The following BLTP1 variants were observed in gnomAD, a reference collection of about 807,000 sequenced individuals.
BLTP1 encodes the protein bridge-like lipid transfer protein family member 1, also known as fragile site-associated protein.
At chr4:122,181,916 T>A in the BLTP1 span, among the ~76,000 whole-genome samples, 1 of 152,160 alleles carries the variant, frequency 6.6e-6, no homozygotes, top group Non-Finnish European at 1.5e-5. Flanking sequence ...GGTAAAAGTA[T>A]GAGCAAATTA....
chr4:122,163,310 G>A, the BLTP1 span, among the ~76,000 whole-genome samples: 2 of 152,202 alleles, frequency 1.3e-5, no homozygotes, highest in South Asian at 2.1e-4. Context: ...TGGGAACTCT[G>A]AAGACATCAA....
At chr4:122,185,773 A>G in the BLTP1 span, among the ~76,000 whole-genome samples, 1 of 152,092 alleles carries the variant, frequency 6.6e-6, no homozygotes, top group African/African-American at 2.4e-5. Context: ...TTAGCATAAA[A>G]ATCTTTAAAT....
chr4:122,352,585 C>G, the BLTP1 span, among the ~76,000 whole-genome samples: 1 of 152,102 alleles, frequency 6.6e-6, no homozygotes, highest in Admixed American at 6.5e-5. Context: ...GTCTCGAACT[C>G]CTGACCTCAA....
the BLTP1 span, among the ~76,000 whole-genome samples, chr4:122,168,538 A>AT: frequency 6.6e-6 from 1 of 152,116 alleles, no homozygotes; most frequent in Non-Finnish European, 1.5e-5. Flanking sequence ...TTGGTTTTAG[A>AT]TTTTTTAAGA....
the BLTP1 span, chr4:122,185,415 T>C: frequency 3.0e-6 from 3 of 985,390 alleles, no homozygotes; most frequent in South Asian, 4.7e-5. Flanking sequence ...GGTTGACATG[T>C]GATGCATTGT....
chr4:122,219,135 A>T, the BLTP1 span: 1 of 984,424 alleles, frequency 1.0e-6, no homozygotes, highest in Non-Finnish European at 1.2e-6. Context: ...AACTTTTTGC[A>T]TTTTTTGCTA....
chr4:122,210,573 A>G, the BLTP1 span, among the ~76,000 whole-genome samples: 1 of 152,172 alleles, frequency 6.6e-6, no homozygotes, highest in Non-Finnish European at 1.5e-5. Context: ...AGAATAGTTA[A>G]GGTCTTGATG....
the BLTP1 span, chr4:122,229,972 A>G: frequency 1.0e-4 from 163 of 1,614,104 alleles, no homozygotes; most frequent in East Asian, 3.3e-3. Flanking sequence ...TCCACAATCA[A>G]TCGGTTGGGG....
the BLTP1 span, chr4:122,210,804 G>A: frequency 1.3e-6 from 2 of 1,525,966 alleles, no homozygotes; most frequent in Non-Finnish European, 1.8e-6. Context: ...ATTTCTTAGT[G>A]AATATTTCCT....
the BLTP1 span, chr4:122,171,780 A>AAT: frequency 5.1e-6 from 5 of 980,940 alleles, no homozygotes; most frequent in Non-Finnish European, 6.1e-6. Flanking sequence ...TTCCTGTTAT[A>AAT]AACACCTCCT....
chr4:122,343,445 C>A, the BLTP1 span: 6 of 1,613,770 alleles, frequency 3.7e-6, no homozygotes, highest in Admixed American at 3.3e-5. Context: ...TGGCCGAAGT[C>A]GACATAGTAG....
the BLTP1 span, chr4:122,164,489 A>G: frequency 2.3e-6 from 2 of 863,844 alleles, no homozygotes; most frequent in Non-Finnish European, 2.8e-6. Flanking sequence ...TGGCAGGAAT[A>G]TCACAGAAGT....
the BLTP1 span, chr4:122,236,968 G>A: frequency 2.0e-6 from 2 of 985,322 alleles, no homozygotes. Flanking sequence ...GAGGGCATAT[G>A]GGTAGAATTA....
At chr4:122,311,716 A>G in the BLTP1 span, among the ~76,000 whole-genome samples, 1 of 152,210 alleles carries the variant, frequency 6.6e-6, no homozygotes, top group African/African-American at 2.4e-5. Context: ...TAGATAGTAA[A>G]TATTAGGACA....
the BLTP1 span, chr4:122,257,371 A>C: frequency 6.2e-7 from 1 of 1,614,118 alleles, no homozygotes; most frequent in Non-Finnish European, 8.5e-7. Flanking sequence ...TACATAGACC[A>C]GCTCAGCCTC....
At chr4:122,197,734 T>C in the BLTP1 span, among the ~76,000 whole-genome samples, 3 of 152,156 alleles carry the variant, frequency 2.0e-5, no homozygotes, top group African/African-American at 7.2e-5. Flanking sequence ...TTGAGTGGCA[T>C]AACTTTAATA....
the BLTP1 span, chr4:122,315,610 T>A: frequency 6.2e-7 from 1 of 1,614,070 alleles, no homozygotes; most frequent in South Asian, 1.1e-5. Context: ...TAGATGACAT[T>A]GCTGACTTAA....
At chr4:122,276,965 G>A in the BLTP1 span, 1 of 983,038 alleles carries the variant, frequency 1.0e-6, no homozygotes, top group Non-Finnish European at 1.2e-6. Context: ...CAAATTTTCT[G>A]CAGCCCAGCA....
At chr4:122,347,787 T>C in the BLTP1 span, 11 of 1,604,328 alleles carry the variant, frequency 6.9e-6, no homozygotes, top group Admixed American at 1.8e-4. Flanking sequence ...GAGGTAACAC[T>C]GCTCTTTTTG....
Sources: allele counts gnomAD v4.1 joint callset (sites outside exome capture counted in the v4.1 genomes callset), GRCh38; gene constraint gnomAD v4.1.1; transcripts MANE v1.5; gene names NCBI Gene and HGNC (gene_info 2026-07-23, HGNC 2026-07-21).